The following ACSL1 variants were observed in gnomAD, a reference collection of about 807,000 sequenced individuals.
ACSL1 encodes the protein acyl-CoA synthetase long chain family member 1, also known as long-chain-fatty-acid--CoA ligase 1.
A neutral mutation model predicts 98.4 loss-of-function variants in ACSL1; 41 were observed. The ratio of observed to expected loss-of-function variants is 0.42; its 90% CI spans 0.32 to 0.54. ACSL1 has a LOEUF of 0.54. Ranked by LOEUF, ACSL1 falls within the 20% of genes least tolerant of loss-of-function variation. ACSL1 has a pLI of 0.13. For missense variants in ACSL1, 734 were observed against 883.1 expected, an observed-to-expected ratio of 0.83 and a Z score of 2.14; for synonymous variants, 316 against 322.7, an observed-to-expected ratio of 0.98 and a Z score of 0.22.
intron 17 of ACSL1, among the ~76,000 whole-genome samples, chr4:184,761,413 A>T (rs10034312): frequency 3.3e-5 from 5 of 151,928 alleles, no homozygotes; most frequent in Non-Finnish European, 5.9e-5. Flanking sequence ...GCCAATACAC[A>T]GTAATAAAAA....
At chr4:184,808,611 G>T in intron 1 of ACSL1, 1 of 537,878 alleles carries the variant, frequency 1.9e-6, no homozygotes, top group Non-Finnish European at 2.4e-6. Context: ...TCATTCACTA[G>T]CTGGGCAGAG....
Position 184,766,615 on chromosome 4 carries a change from G to A in ACSL1, c.1263+7C>T, listed in dbSNP as rs142792812. On this transcript the variant is annotated splice_region_variant and intron_variant, in intron 13 of 20. Coordinates refer to ENST00000281455, the MANE Select transcript of ACSL1 (RefSeq NM_001995.5). The surrounding 1 kb of genome is among the most constrained non-coding windows in gnomAD (Gnocchi z 4.8). ...CATGGGAGCAGTGGCTGTGAGTCAC[G>A]TGTTACCTGTACTTTGTGGAAGATC... 3.7e-5 allele frequency: 59 copies of A among 1,612,890 alleles called. No homozygotes were observed. The African/African-American group carries it at 6.3e-4, about 17-fold the overall frequency.
intron 2 of ACSL1, chr4:184,799,113 ATTC>A (rs1769990729): frequency 1.5e-5 from 2 of 132,210 alleles, no homozygotes; most frequent in African/African-American, 5.7e-5. Flanking sequence ...CCATTACCTG[ATTC>A]TTTTTTTTTT....
At chr4:184,791,722 C>G (rs1365096635) in intron 2 of ACSL1, among the ~76,000 whole-genome samples, 1 of 152,126 alleles carries the variant, frequency 6.6e-6, no homozygotes. Context: ...CTCCTACAGA[C>G]CTGGATAGGG....
chr4:184,762,473 C>T lies in ACSL1; in HGVS notation c.1572G>A (p.Ala524=), dbSNP rs73874470. The part of the protein sequence containing the change: ...NVFQGYLKDP[A]KTAEALDKDG... Reference sequence around the variant, plus strand: ...CTTTGTCCAAAGCTTCTGCTGTTTTCGCTGGGTCCTTCAAGTAGCCCTGAA... The same window carrying T: ...CTTTGTCCAAAGCTTCTGCTGTTTTTGCTGGGTCCTTCAAGTAGCCCTGAA... The change falls in exon 17 of 21, where the codon GCG becomes GCA. Residue 524 remains alanine, a synonymous_variant. Coordinates refer to ENST00000281455, the MANE Select transcript of ACSL1 (RefSeq NM_001995.5). 7.7e-4 allele frequency: 1,237 copies of T among 1,614,218 alleles called. 12 individuals carry two copies. The African/African-American group carries it at 0.014, about 19-fold the overall frequency.
chr4:184,776,561 T>C lies in ACSL1; in HGVS notation c.679A>G (p.Met227Val), dbSNP rs767365773. Residue 227 changes from methionine to valine, a missense_variant, in exon 7 of 21, where the codon ATG becomes GTG. Physicochemically the swap from Met to Val is conservative, Grantham distance 21. Coordinates refer to ENST00000281455, the MANE Select transcript of ACSL1 (RefSeq NM_001995.5). ...ACCAGTTCACTGCCGTAGGCATCCATGACAACTATGATTTTAAGGCCTGGT... is the reference window on the plus strand; with the variant it reads ...ACCAGTTCACTGCCGTAGGCATCCACGACAACTATGATTTTAAGGCCTGGT... ...LIPGLKIIVV[M>V]DAYGSELVER... 14 of 1,614,082 alleles carry C rather than the reference T, an allele frequency of 8.7e-6. No homozygotes were observed. Among genetic ancestry groups the C allele is most frequent in the Admixed American group, 6.7e-5 (4 of 60,004 alleles).
rs765126593 is a variant in ACSL1, at chr4:184,825,279, C to A, written c.-33+637G>T. 1.2e-3 allele frequency: 1,142 copies of A among 984,294 alleles called. 2 individuals carry two copies. Among genetic ancestry groups the A allele is most frequent in the Non-Finnish European group, 1.3e-3 (1,064 of 828,930 alleles). The allele number at this position is 984,294 out of a possible 1,614,324, so 61.0% of individuals were successfully genotyped here. A position where few individuals can be genotyped will look rare whatever the true frequency, so the allele number is the denominator to read the frequency against. On this transcript the variant is annotated intron_variant, in intron 1 of 20. Transcript: ENST00000281455. This position sits in a 1 kb window ranked among gnomAD's most constrained non-coding sequence, Gnocchi z 4.7. ...AGACATCATCTTTGCTTCTCAATTT[C>A]AAAAAATGCCAGCACTCCTTAGATC... is the stretch of plus-strand genomic sequence containing the variant.
At chr4:184,776,215 C>A (rs1362952122) in intron 7 of ACSL1, among the ~76,000 whole-genome samples, 2 of 152,238 alleles carry the variant, frequency 1.3e-5, no homozygotes, top group Non-Finnish European at 2.9e-5. Context: ...CCATTTCTGG[C>A]ATTTCCGGGC....
intron 2 of ACSL1, among the ~76,000 whole-genome samples, chr4:184,794,763 T>G (rs1769050840): frequency 1.3e-5 from 2 of 152,192 alleles, no homozygotes; most frequent in African/African-American, 4.8e-5. Context: ...CCTTCGTCTG[T>G]GTGTGGAGAC....
intron 1 of ACSL1, among the ~76,000 whole-genome samples, chr4:184,816,803 G>A (rs559490102): frequency 3.9e-5 from 6 of 152,162 alleles, no homozygotes; most frequent in Non-Finnish European, 7.4e-5. Flanking sequence ...TCTACCGCGT[G>A]GGGGTATCAT....
intron 2 of ACSL1, among the ~76,000 whole-genome samples, chr4:184,792,307 GTCAC>G (rs1278956546): frequency 5.3e-5 from 8 of 152,202 alleles, no homozygotes; most frequent in African/African-American, 1.9e-4. Flanking sequence ...AGGTCACACT[GTCAC>G]TCAGTTGTCA....
At chr4:184,802,951 G>A (rs566698347) in intron 2 of ACSL1, among the ~76,000 whole-genome samples, 17 of 152,284 alleles carry the variant, frequency 1.1e-4, no homozygotes, top group African/African-American at 3.4e-4. Context: ...GGTAACATTT[G>A]TTTGAAAACT....
At chr4:184,823,063 A>G (rs1773192428) in intron 1 of ACSL1, among the ~76,000 whole-genome samples, 1 of 152,222 alleles carries the variant, frequency 6.6e-6, no homozygotes, top group East Asian at 1.9e-4. Context: ...CTGCAGCTTC[A>G]GATCAGCTCT....
At position 184,788,636 on chromosome 4, in the gene ACSL1, C is replaced by T. The variant is rs757311963; in HGVS notation, c.291G>A (p.Gln97=). 2 of 1,614,158 alleles carry T rather than the reference C, an allele frequency of 1.2e-6. No individual in the cohort carries two copies. Among genetic ancestry groups the T allele is most frequent in the East Asian group, 2.2e-5 (1 of 44,888 alleles). The part of the protein sequence containing the change: ...DDVTTLYEGF[Q]RGIQVSNNGP... ...GCTTACTTGACACCTGTATTCCCCT[C>T]TGGAAACCTTCGTATAATGTTGTGA... Residue 97 remains glutamine (Q), a synonymous_variant, in exon 3 of 21, where the codon CAG becomes CAA. Transcript: ENST00000281455.
chr4:184,818,175 G>A (rs1772785573), intron 1 of ACSL1, among the ~76,000 whole-genome samples: 1 of 152,148 alleles, frequency 6.6e-6, no homozygotes, highest in African/African-American at 2.4e-5. Flanking sequence ...GCGCAATGTA[G>A]GTAACTGTCC....
At chr4:184,805,368 A>T in intron 1 of ACSL1, 1 of 593,172 alleles carries the variant, frequency 1.7e-6, no homozygotes, top group Non-Finnish European at 2.1e-6. Flanking sequence ...AATCTCTGCT[A>T]CAATGAATCC....
rs772791535 is a variant in ACSL1, at chr4:184,788,697, T to A, written c.230A>T (p.Asp77Val). The part of the protein sequence containing the change: ...SGGARRSALL[D>V]SDEPLVYFYD... The stretch of plus-strand genomic sequence containing the variant: ...GAAATACACCAAGGGCTCGTCGCTG[T>A]CAAGTAGTGCGGATCTTCGTGCACC... The change falls in exon 3 of 21, where the codon GAC becomes GTC. Residue 77 changes from aspartate (D) to valine (V), a missense_variant. Asp to Val is a radical substitution (Grantham distance 152). Transcript: ENST00000281455. 8.7e-6 allele frequency: 14 copies of A among 1,613,980 alleles called. No individual in the cohort carries two copies. Among genetic ancestry groups the A allele is most frequent in the Non-Finnish European group, 1.2e-5 (14 of 1,180,026 alleles).
At chr4:184,813,633 G>T (rs1011051509) in intron 1 of ACSL1, 3 of 309,934 alleles carry the variant, frequency 9.7e-6, no homozygotes, top group Non-Finnish European at 2.0e-5. Context: ...GACAAGCACG[G>T]CCTGTTATTA....
chr4:184,794,787 G>T (rs114426301), intron 2 of ACSL1, among the ~76,000 whole-genome samples: 205 of 152,278 alleles, frequency 1.3e-3, no homozygotes, highest in Non-Finnish European at 2.4e-3. Context: ...CTTCATCCTT[G>T]AGGAGGCGGG....
Sources: gnomAD v4.1 joint callset for allele counts (sites outside exome capture counted in the v4.1 genomes callset) on GRCh38, gnomAD v4.1.1 for gene constraint, Gnocchi (gnomAD v3.1) non-coding constraint, MANE v1.5 for transcripts, NCBI Gene and HGNC (gene_info 2026-07-23, HGNC 2026-07-21) for gene names.